NAV3: variants seen among roughly 807,000 people sequenced by gnomAD.
The protein encoded by NAV3 is pore membrane and/or filament interacting like protein 1.
Under a neutral mutation model 244.7 loss-of-function variants are expected in NAV3, and 87 were observed. The ratio of observed to expected loss-of-function variants is 0.36; its 90% CI spans 0.30 to 0.42. The LOEUF (loss-of-function observed/expected upper bound fraction) is 0.42, where lower values mean the gene tolerates loss of function less well. Ranked by LOEUF, NAV3 falls within the 20% of genes least tolerant of loss-of-function variation. The pLI is 1.00. For missense variants in NAV3, 2,663 were observed against 2,893.3 expected (o/e 0.92, Z 1.83); for synonymous variants, 1,126 against 1,042.2 (o/e 1.08, Z -1.55).
chr12:77,574,739 T>A (rs1565720807), intron 2 of NAV3, among the ~76,000 whole-genome samples: 1 of 152,126 alleles, frequency 6.6e-6, no homozygotes, highest in Non-Finnish European at 1.5e-5. Context: ...CAGCTTACAA[T>A]AAATCACTAG....
chr12:77,839,209 C>T (rs1041746703), intron 1 of NAV3, among the ~76,000 whole-genome samples: 10 of 152,164 alleles, frequency 6.6e-5, no homozygotes. Flanking sequence ...TTGAGAAAGG[C>T]AAAATCAAAT....
chr12:77,915,710 TATGGTCTC>T (rs1887072291), intron 1 of NAV3, among the ~76,000 whole-genome samples: 1 of 152,022 alleles, frequency 6.6e-6, no homozygotes, highest in South Asian at 2.1e-4. Flanking sequence ...ACTGCATTAT[TATGGTCTC>T]TAGTAGAGCT....
intron 2 of NAV3, among the ~76,000 whole-genome samples, chr12:77,660,824 T>C (rs1445792204): frequency 2.0e-5 from 3 of 152,192 alleles, no homozygotes; most frequent in Admixed American, 2.0e-4. Flanking sequence ...CCTATAAATA[T>C]TGTAAAATGA....
intron 4 of NAV3, among the ~76,000 whole-genome samples, chr12:77,967,023 T>C (rs1014833570): frequency 6.6e-6 from 1 of 152,106 alleles, no homozygotes; most frequent in African/African-American, 2.4e-5. Context: ...TTGCTTGTTA[T>C]GATATATAAT....
chr12:77,731,939 T>C (rs1183065339), intron 2 of NAV3, among the ~76,000 whole-genome samples: 2 of 151,872 alleles, frequency 1.3e-5, no homozygotes, highest in Non-Finnish European at 2.9e-5. Context: ...ACATTTAGCA[T>C]TGAGGGGAAG....
chr12:77,686,837 T>G (rs1403393039), intron 2 of NAV3, among the ~76,000 whole-genome samples: 1 of 152,194 alleles, frequency 6.6e-6, no homozygotes, highest in Non-Finnish European at 1.5e-5. Flanking sequence ...CTGAGGAAGC[T>G]TTAAATTAAT....
intron 2 of NAV3, among the ~76,000 whole-genome samples, chr12:77,716,589 T>G (rs1876373346): frequency 1.3e-5 from 2 of 151,994 alleles, no homozygotes; most frequent in African/African-American, 2.4e-5. Flanking sequence ...TTAAATTTTT[T>G]GCACTATAAA....
chr12:77,992,037 T>C (rs1337529177), intron 5 of NAV3, among the ~76,000 whole-genome samples: 1 of 151,834 alleles, frequency 6.6e-6, no homozygotes, highest in Non-Finnish European at 1.5e-5. Context: ...AAAAAACGAA[T>C]ATTTTATAAA....
intron 2 of NAV3, among the ~76,000 whole-genome samples, chr12:77,771,944 A>G (rs1423322688): frequency 6.6e-6 from 1 of 152,010 alleles, no homozygotes; most frequent in East Asian, 1.9e-4. Context: ...AAATGTAACC[A>G]TTTGGATTTA....
intron 2 of NAV3, among the ~76,000 whole-genome samples, chr12:77,693,961 C>T (rs140244637): frequency 1.3e-5 from 2 of 152,212 alleles, no homozygotes; most frequent in African/African-American, 4.8e-5. Context: ...TATGATCTCA[C>T]GTCCCTTATT....
rs567046126 is a variant in NAV3, at chr12:78,168,683, A to G, written c.4870-72A>G. The G allele has an allele frequency of 1.8e-5, 17 of 969,096 alleles. No individual in the cohort carries two copies. In the African/African-American group the frequency reaches 2.7e-4, roughly 15 times the overall value. 60.0% of individuals were successfully genotyped at this position (969,096 alleles called of 1,614,324 possible). On this transcript the variant is annotated intron_variant, in intron 23 of 39. Coordinates refer to ENST00000397909, the MANE Select transcript of NAV3 (RefSeq NM_001024383.2). ...TACTACATAAAATCAAACCTTTTTA[A>G]TTCAACTATGAGCAGGGAGATTTTA... is the stretch of plus-strand genomic sequence containing the variant.
At chr12:77,873,679 GTATATATATATATATA>G (rs200152687) in intron 1 of NAV3, among the ~76,000 whole-genome samples, 18,356 of 106,680 alleles carry the variant, frequency 0.17, 1,815 homozygotes, top group East Asian at 0.25. Flanking sequence ...ATTTGTATGT[GTATATATATATATATA>G]TATATATATA....
intron 1 of NAV3, among the ~76,000 whole-genome samples, chr12:77,871,442 C>T (rs1880940466): frequency 6.6e-6 from 1 of 152,084 alleles, no homozygotes; most frequent in African/African-American, 2.4e-5. Flanking sequence ...TCCCCTAATC[C>T]CCATCCCCCA....
At chr12:77,854,737 C>G (rs1301694093) in intron 1 of NAV3, among the ~76,000 whole-genome samples, 1 of 152,140 alleles carries the variant, frequency 6.6e-6, no homozygotes, top group Non-Finnish European at 1.5e-5. Context: ...ATCATGCCGC[C>G]TCTTTCTACT....
At chr12:77,937,629 G>T (rs928346900) in intron 1 of NAV3, among the ~76,000 whole-genome samples, 5 of 152,148 alleles carry the variant, frequency 3.3e-5, no homozygotes, top group Admixed American at 3.3e-4. Flanking sequence ...CTGTTATTTA[G>T]ATTTCCCTGA....
chr12:78,134,627 C>A (rs1231300278), intron 18 of NAV3, among the ~76,000 whole-genome samples: 1 of 152,144 alleles, frequency 6.6e-6, no homozygotes, highest in Non-Finnish European at 1.5e-5. Context: ...TGGATCATGC[C>A]TGTAATACCA....
At chr12:78,153,939 T>G (rs1026257896) in intron 22 of NAV3, among the ~76,000 whole-genome samples, 3 of 151,134 alleles carry the variant, frequency 2.0e-5, no homozygotes, top group Non-Finnish European at 4.4e-5. Context: ...AACTTTATGT[T>G]GCAGAATCAT....
chr12:78,104,703 A>T (rs1200371986), intron 12 of NAV3, among the ~76,000 whole-genome samples: 1 of 152,118 alleles, frequency 6.6e-6, no homozygotes, highest in Non-Finnish European at 1.5e-5. Flanking sequence ...AATTTGTTTT[A>T]TTATTGTTCA....
At position 77,813,699 on chromosome 12, in the gene NAV3, TCA is replaced by T. The variant is rs879505082; in HGVS notation, c.73-126619_73-126618del. On this transcript the variant is annotated intron_variant, in intron 2 of 8. Transcript: ENST00000550042. ...AAATGTGTATCTAAGAAAAAGTTGT[TCA>T]TAAGGAAGCAAAAAGATAGGATGGG... 5.8e-3 allele frequency among the ~76,000 whole-genome samples: 877 copies of T among 152,270 alleles called. 3 individuals are homozygous for T. Among genetic ancestry groups the T allele is most frequent in the Non-Finnish European group, 0.011 (722 of 68,022 alleles).
Sources: allele counts gnomAD v4.1 joint callset (sites outside exome capture counted in the v4.1 genomes callset), GRCh38; gene constraint gnomAD v4.1.1; transcripts MANE v1.5; gene names NCBI Gene and HGNC (gene_info 2026-07-23, HGNC 2026-07-21).